Variants in TJP1 observed in about 807,000 individuals in gnomAD.
TJP1 encodes tight junction protein 1.
TJP1 carries 43 observed loss-of-function variants against 194.2 expected under a neutral mutation model. The ratio of observed to expected loss-of-function variants is 0.22; its 90% CI spans 0.17 to 0.29. TJP1 has a LOEUF of 0.29. Among genes scored for constraint, TJP1 ranks in the 10% least tolerant of loss-of-function variants. The pLI is 1.00. For synonymous variants in TJP1, 801 were observed against 779.0 expected (o/e 1.03, Z -0.47); for missense variants, 1,971 against 2,185.7 (o/e 0.90, Z 1.96).
intron 2 of TJP1, among the ~76,000 whole-genome samples, chr15:29,909,177 GAAAA>G (rs1256983692): frequency 1.4e-5 from 2 of 143,226 alleles, no homozygotes; most frequent in African/African-American, 5.2e-5. Flanking sequence ...AAAAAGAAAA[GAAAA>G]AGAAAAATTA....
intron 2 of TJP1, among the ~76,000 whole-genome samples, chr15:29,865,282 A>G (rs2052261906): frequency 6.6e-6 from 1 of 152,196 alleles, no homozygotes; most frequent in Non-Finnish European, 1.5e-5. Context: ...AACAGCACCA[A>G]TTTAAAGCCT....
At position 29,903,898 on chromosome 15, in the gene TJP1, G is replaced by A. The variant is rs553094493; in HGVS notation, c.306+52334C>T. The stretch of plus-strand genomic sequence containing the variant: ...TGCTTGTAAAAATCCAAATAAAGAC[G>A]TATTTGTAGAGGGCAACCTGAAGGC... On this transcript the variant is annotated intron_variant, in intron 2 of 28. Transcript: ENST00000356107. 5.9e-5 allele frequency among the ~76,000 whole-genome samples: 9 copies of A among 152,152 alleles called. No individual in the cohort carries two copies. The South Asian group carries it at 6.2e-4, about 10-fold the overall frequency.
In TJP1 at chr15:29,742,637, C is replaced by A. The variant is rs373979180; in HGVS notation, c.1150+5G>T. 3.6e-5 allele frequency: 57 copies of A among 1,569,856 alleles called. No homozygotes were observed. The highest frequency in any genetic ancestry group is 4.8e-5 in the Non-Finnish European group (56 of 1,162,208). ...TTCTTGAACTTAGTGTTTCGTTATG[C>A]TTACCTGGAAGAGAAGGTGTTTGTT... On this transcript the variant is annotated splice_donor_5th_base_variant and intron_variant, in intron 9 of 27. Transcript: ENST00000614355.
At chr15:29,733,379 T>G (rs1204436546) in intron 12 of TJP1, 66 bp from the exon 13 acceptor site, 5 of 1,100,100 alleles carry the variant, frequency 4.5e-6, no homozygotes, top group Non-Finnish European at 6.6e-6. Flanking sequence ...AGACAGTACA[T>G]TATGTAAAGA....
At chr15:29,826,723 C>T (rs1040681524), upstream of TJP1, among the ~76,000 whole-genome samples, 1 of 152,120 alleles carries the variant, frequency 6.6e-6, no homozygotes, top group African/African-American at 2.4e-5. Context: ...CTAGTGTTTC[C>T]CATCTTAAAC....
chr15:29,950,071 C>T (rs1246006029), intron 2 of TJP1, among the ~76,000 whole-genome samples: 1 of 40,746 alleles, frequency 2.5e-5, no homozygotes. Context: ...CCACCACCAC[C>T]TCCACCACCA....
chr15:29,710,927 G>T lies in TJP1; in HGVS notation c.4276C>A (p.Pro1426Thr). The T allele has an allele frequency of 1.9e-6, 3 of 1,614,140 alleles. No homozygotes were observed. Among genetic ancestry groups the T allele is most frequent in the Non-Finnish European group, 2.5e-6 (3 of 1,180,030 alleles). ...TGCGAGGGCAATGGAGGAGGAGGGG[G>T]AGTGGCCTGGATGGGTTCATAGCGT... Reference protein sequence around the residue: ...EKRYEPIQATPPPPPLPSQYA... With the variant: ...EKRYEPIQATTPPPPLPSQYA... The change falls in exon 24 of 28, where the codon CCC (proline) becomes ACC (threonine). Residue 1426 changes from proline to threonine, a missense_variant. By Grantham distance (38) the Pro-to-Thr change is conservative. Coordinates refer to ENST00000614355, the MANE Select transcript of TJP1 (RefSeq NM_001330239.4).
At chr15:29,864,083 A>G (rs1273486589) in intron 2 of TJP1, among the ~76,000 whole-genome samples, 1 of 151,980 alleles carries the variant, frequency 6.6e-6, no homozygotes, top group East Asian at 1.9e-4. Flanking sequence ...CAAAGGATTT[A>G]TATTTCTCAA....
chr15:29,770,948 C>G (rs1049776731), intron 4 of TJP1, among the ~76,000 whole-genome samples: 1 of 152,066 alleles, frequency 6.6e-6, no homozygotes, highest in Non-Finnish European at 1.5e-5. Flanking sequence ...CAGTAGTGTA[C>G]AGTAATGTCC....
At position 29,731,097 on chromosome 15, in the gene TJP1, T is replaced by C. The variant is rs878946879; in HGVS notation, c.2017+1336A>G. The C allele has an allele frequency of 5.6e-5, 36 of 638,532 alleles. No individual in the cohort carries two copies. The East Asian group carries it at 7.2e-4, about 13-fold the overall frequency. The allele number at this position is 638,532 out of a possible 1,614,324, so 39.6% of individuals were successfully genotyped here. ...TGTTTTACTTTTTTTTTTTTTTTTT[T>C]AAGCTATGTTGTTCGCACACAGAAC... On this transcript the variant is annotated intron_variant, in intron 15 of 27. Coordinates refer to ENST00000614355, the MANE Select transcript of TJP1 (RefSeq NM_001330239.4).
rs369414818 is a variant in TJP1, at chr15:29,845,614, C to T, written c.307-44912G>A. ...AGGGCAAGAGATCGAGACCATCTGG[C>T]CAACATGGTGAAACCCCATCTCTAC... On this transcript the variant is annotated intron_variant, in intron 2 of 28. Transcript: ENST00000356107. 2.2e-4 allele frequency among the ~76,000 whole-genome samples: 34 copies of T among 152,114 alleles called. 1 individual carries two copies. Among genetic ancestry groups the T allele is most frequent in the African/African-American group, 6.7e-4 (28 of 41,498 alleles).
intron 2 of TJP1, among the ~76,000 whole-genome samples, chr15:29,893,753 T>C (rs556827317): frequency 6.6e-6 from 1 of 152,342 alleles, no homozygotes; most frequent in Admixed American, 6.5e-5. Flanking sequence ...TTATATGCAC[T>C]GGGAAACCAA....
chr15:29,703,048 T>TA (rs1378459188), intron 27 of TJP1, among the ~76,000 whole-genome samples: 1 of 152,214 alleles, frequency 6.6e-6, no homozygotes, highest in East Asian at 1.9e-4. Context: ...CATTTACAAA[T>TA]AGTGTATAAA....
chr15:29,860,227 C>T (rs2052022710), intron 2 of TJP1, among the ~76,000 whole-genome samples: 1 of 152,192 alleles, frequency 6.6e-6, no homozygotes, highest in South Asian at 2.1e-4. Context: ...CTTTCTTTCT[C>T]TCCCCCTGGA....
chr15:29,790,721 T>G (rs990466225), intron 2 of TJP1, among the ~76,000 whole-genome samples: 2 of 151,780 alleles, frequency 1.3e-5, no homozygotes, highest in African/African-American at 4.8e-5. Flanking sequence ...TAACCATCAT[T>G]CTACTCTCTG....
chr15:29,898,736 C>A (rs2053551863), intron 2 of TJP1, among the ~76,000 whole-genome samples: 1 of 152,184 alleles, frequency 6.6e-6, no homozygotes, highest in African/African-American at 2.4e-5. Flanking sequence ...ATTACGGATG[C>A]TCTACCTGTT....
At chr15:29,945,519 C>T (rs184525055) in intron 2 of TJP1, among the ~76,000 whole-genome samples, 2 of 152,298 alleles carry the variant, frequency 1.3e-5, no homozygotes, top group Admixed American at 6.5e-5. Flanking sequence ...CAAGAATTCC[C>T]CCAAAGCCAC....
chr15:29,918,435 G>A (rs2054254574), intron 2 of TJP1, among the ~76,000 whole-genome samples: 1 of 152,166 alleles, frequency 6.6e-6, no homozygotes, highest in African/African-American at 2.4e-5. Flanking sequence ...AAGGGCTCTT[G>A]AAAATTAAAA....
chr15:29,773,449 AT>A lies in TJP1; in HGVS notation c.85-93del, dbSNP rs1002573143. The A allele has an allele frequency of 3.2e-5, 41 of 1,271,556 alleles. 1 individual carries two copies. In the African/African-American group the frequency reaches 6.0e-4, roughly 19 times the overall value. 78.8% of individuals were successfully genotyped at this position (1,271,556 alleles called of 1,614,324 possible). A position where few individuals can be genotyped will look rare whatever the true frequency, so the allele number is the denominator to read the frequency against. On this transcript the variant is annotated intron_variant, in intron 2 of 27. Transcript: ENST00000614355. ...AATCTAGAGAAGCCAAAATATAAAA[AT>A]TACAATCTTAATATATCTGTGATCC...
Sources: allele counts gnomAD v4.1 joint callset (sites outside exome capture counted in the v4.1 genomes callset), GRCh38; gene constraint gnomAD v4.1.1; transcripts MANE v1.5; gene names NCBI Gene and HGNC (gene_info 2026-07-23, HGNC 2026-07-21).